Variants in PLCB1 observed in about 807,000 individuals in gnomAD.
The protein encoded by PLCB1 is phospholipase C beta 1, also known as 1-phosphatidylinositol 4,5-bisphosphate phosphodiesterase beta-1.
In PLCB1, 46 loss-of-function variants were observed where a neutral mutation model predicts 161.8. The observed-to-expected ratio is 0.28, with a 90% CI of 0.22 to 0.36. The LOEUF (loss-of-function observed/expected upper bound fraction) is 0.36, where lower values mean the gene tolerates loss of function less well. Among genes scored for constraint, PLCB1 ranks in the 10% least tolerant of loss-of-function variants. The pLI is 1.00. For synonymous variants in PLCB1, 517 were observed against 503.7 expected, an observed-to-expected ratio of 1.03 and a Z score of -0.35; for missense variants, 1,016 against 1,472.5, an observed-to-expected ratio of 0.69 and a Z score of 5.07.
At chr20:8,146,656 T>C (rs764309587) in intron 1 of PLCB1, among the ~76,000 whole-genome samples, 27 of 152,224 alleles carry the variant, frequency 1.8e-4, no homozygotes, top group Non-Finnish European at 3.4e-4. Flanking sequence ...CAGTGACTCT[T>C]TTTTTTCTTG....
At chr20:8,239,412 C>T (rs1203184008) in intron 2 of PLCB1, among the ~76,000 whole-genome samples, 4 of 151,848 alleles carry the variant, frequency 2.6e-5, no homozygotes, top group East Asian at 1.9e-4. Context: ...AGTCACCATC[C>T]GGTGTAAGGA....
At chr20:8,640,247 A>T (rs6039215) in intron 4 of PLCB1, among the ~76,000 whole-genome samples, 108,821 of 152,184 alleles carry the variant, frequency 0.72, 39,385 homozygotes, top group African/African-American at 0.82. Flanking sequence ...CAGTTTTAAG[A>T]TTGTCGAACT....
intron 3 of PLCB1, among the ~76,000 whole-genome samples, chr20:8,569,554 A>G (rs978516393): frequency 5.3e-5 from 8 of 152,226 alleles, no homozygotes; most frequent in African/African-American, 1.9e-4. Flanking sequence ...TTTCTAGGAT[A>G]TAAGTATGAA....
intron 3 of PLCB1, among the ~76,000 whole-genome samples, chr20:8,573,832 A>G (rs1202209990): frequency 6.6e-6 from 1 of 152,236 alleles, no homozygotes; most frequent in Non-Finnish European, 1.5e-5. Flanking sequence ...CAGGCCATGA[A>G]CAAATGAAAA....
At position 8,707,778 on chromosome 20, in the gene PLCB1, C is replaced by A. The variant is rs368226522; in HGVS notation, c.1168-892C>A. Among the ~76,000 whole-genome samples, 15 of 152,180 alleles carry A rather than the reference C, an allele frequency of 9.9e-5. No individual in the cohort carries two copies. In the East Asian group the frequency reaches 2.1e-3, roughly 22 times the overall value. On this transcript the variant is annotated intron_variant, in intron 11 of 31. Transcript: ENST00000338037. ...GGAATGGTTAAATCAATTTTAATAC[C>A]TTTACTTTCTAGAATTTTGTACATA...
intron 3 of PLCB1, among the ~76,000 whole-genome samples, chr20:8,536,222 A>G (rs1985044243): frequency 6.6e-6 from 1 of 152,182 alleles, no homozygotes; most frequent in Non-Finnish European, 1.5e-5. Flanking sequence ...ATATTAGTTT[A>G]TAATGAAAGA....
At chr20:8,760,289 A>G in intron 24 of PLCB1, 118 bp from the exon 25 acceptor site, 2 of 601,072 alleles carry the variant, frequency 3.3e-6, no homozygotes, top group Middle Eastern at 4.0e-4. Context: ...TTCTCACACA[A>G]TTTGTCATTT....
chr20:8,487,996 C>T lies in PLCB1; in HGVS notation c.246+116546C>T, dbSNP rs143534855. The stretch of plus-strand genomic sequence containing the variant: ...GATGTGGGATCTATGCCAGCACTGT[C>T]CAGGATAAAGTCATTAAATCTAGAA... On this transcript the variant is annotated intron_variant, in intron 3 of 31. Coordinates refer to ENST00000338037, the MANE Select transcript of PLCB1 (RefSeq NM_015192.4). Among the ~76,000 whole-genome samples, 498 of 152,204 alleles carry T rather than the reference C, an allele frequency of 3.3e-3. 8 individuals carry two copies. Among genetic ancestry groups the T allele is most frequent in the African/African-American group, 0.011 (456 of 41,546 alleles).
intron 2 of PLCB1, among the ~76,000 whole-genome samples, chr20:8,163,498 C>G (rs1196952250): frequency 6.6e-6 from 1 of 152,220 alleles, no homozygotes; most frequent in Non-Finnish European, 1.5e-5. Flanking sequence ...GCTTTAATTT[C>G]TGGTAAGTCA....
At chr20:8,735,928 T>C (rs529901256) in intron 19 of PLCB1, among the ~76,000 whole-genome samples, 1 of 152,330 alleles carries the variant, frequency 6.6e-6, no homozygotes, top group Non-Finnish European at 1.5e-5. Context: ...CATCAGCATA[T>C]AGCTGACTTT....
intron 3 of PLCB1, among the ~76,000 whole-genome samples, chr20:8,403,292 G>C (rs1288128600): frequency 1.3e-5 from 2 of 151,996 alleles, no homozygotes; most frequent in Non-Finnish European, 2.9e-5. Context: ...AGGATGGGAG[G>C]ATTACTTGAG....
chr20:8,208,238 C>G (rs1392641568), intron 2 of PLCB1, among the ~76,000 whole-genome samples: 1 of 151,996 alleles, frequency 6.6e-6, no homozygotes, highest in Non-Finnish European at 1.5e-5. Flanking sequence ...TTAAGAAATT[C>G]TTGGGCTGTT....
intron 26 of PLCB1, among the ~76,000 whole-genome samples, chr20:8,765,995 A>G (rs1188114800): frequency 6.6e-6 from 1 of 152,062 alleles, no homozygotes; most frequent in East Asian, 1.9e-4. Context: ...GGTCTTATAG[A>G]AAAGAGAAGC....
At chr20:8,165,504 T>C (rs2051666091) in intron 2 of PLCB1, among the ~76,000 whole-genome samples, 1 of 152,210 alleles carries the variant, frequency 6.6e-6, no homozygotes, top group Non-Finnish European at 1.5e-5. Flanking sequence ...GAATACCTTG[T>C]GCCTTCCTTT....
intron 3 of PLCB1, among the ~76,000 whole-genome samples, chr20:8,602,234 G>A (rs1488191779): frequency 2.0e-5 from 3 of 151,892 alleles, no homozygotes; most frequent in Non-Finnish European, 4.4e-5. Context: ...TTAATCAAAA[G>A]CAAGGTTGAC....
chr20:8,722,394 T>C lies in PLCB1; in HGVS notation c.1554T>C (p.Asp518=), dbSNP rs1423334707. 1 of 1,611,026 alleles carries C rather than the reference T, an allele frequency of 6.2e-7. No individual in the cohort carries two copies. Among genetic ancestry groups the C allele is most frequent in the South Asian group, 1.1e-5 (1 of 90,628 alleles). The change falls in exon 15 of 32, where the codon GAT becomes GAC. Residue 518 remains aspartate, a synonymous_variant. Coordinates refer to ENST00000338037, the MANE Select transcript of PLCB1 (RefSeq NM_015192.4). Reference sequence around the variant, plus strand: ...AAAGTGACGACGACGATGATGATGATGACTGTAAAAAATCTTCAATGGATG... The same window carrying C: ...AAAGTGACGACGACGATGATGATGACGACTGTAAAAAATCTTCAATGGATG... ...DTESDDDDDD[D]DCKKSSMDEG...
intron 3 of PLCB1, among the ~76,000 whole-genome samples, chr20:8,486,910 T>G (rs1982754578): frequency 6.6e-6 from 1 of 152,242 alleles, no homozygotes; most frequent in African/African-American, 2.4e-5. Context: ...GTGTTTCTGA[T>G]GTGAATAAAG....
chr20:8,585,700 G>A (rs1484075640), intron 3 of PLCB1, among the ~76,000 whole-genome samples: 3 of 152,106 alleles, frequency 2.0e-5, no homozygotes, highest in African/African-American at 7.2e-5. Context: ...CTCTTCTCTA[G>A]GGCCTCATGC....
In PLCB1 at chr20:8,470,250, G is replaced by A. The variant is rs551314506; in HGVS notation, c.246+98800G>A. Among the ~76,000 whole-genome samples, 4 of 152,254 alleles carry A rather than the reference G, an allele frequency of 2.6e-5. No individual in the cohort carries two copies. The South Asian group carries it at 8.3e-4, about 32-fold the overall frequency. On this transcript the variant is annotated intron_variant, in intron 3 of 31. Transcript: ENST00000338037. ...CACATTTATGTACAAGCTTTTGTGA[G>A]GACATATGTTTTCATGTATCTTTGG...
Sources: allele counts gnomAD v4.1 joint callset (sites outside exome capture counted in the v4.1 genomes callset), GRCh38; gene constraint gnomAD v4.1.1; transcripts MANE v1.5; gene names NCBI Gene and HGNC (gene_info 2026-07-23, HGNC 2026-07-21).